ABCC4: variants seen among roughly 807,000 people sequenced by gnomAD.
ABCC4 encodes the protein ATP binding cassette subfamily C member 4 (PEL blood group).
A neutral mutation model predicts 168.5 loss-of-function variants in ABCC4; 102 were observed. The observed-to-expected ratio is 0.61, with a 90% CI of 0.52 to 0.71. The LOEUF (loss-of-function observed/expected upper bound fraction) is 0.71. ABCC4 is among the 30% of genes least tolerant of loss of function. ABCC4 has a pLI of 0.00. For missense variants in ABCC4, 1,402 were observed against 1,605.8 expected (o/e 0.87, Z 2.17); for synonymous variants, 617 against 590.7 (o/e 1.04, Z -0.65).
chr13:95,208,261 G>A lies in ABCC4; in HGVS notation c.786-336C>T, dbSNP rs73544903. Reference sequence around the variant, plus strand: ...GACGATAACACAGTGGTCAGAGAGTGCTAAAATGGGAATGAAGTGCTGGGG... The same window carrying A: ...GACGATAACACAGTGGTCAGAGAGTACTAAAATGGGAATGAAGTGCTGGGG... On this transcript the variant is annotated intron_variant, in intron 6 of 30. Transcript: ENST00000645237. 9.9e-3 allele frequency among the ~76,000 whole-genome samples: 1,500 copies of A among 150,942 alleles called. 24 individuals are homozygous for A. Among genetic ancestry groups the A allele is most frequent in the African/African-American group, 0.035 (1,442 of 41,118 alleles).
chr13:95,105,689 G>A (rs1729775), intron 20 of ABCC4, among the ~76,000 whole-genome samples: 64,904 of 151,836 alleles, frequency 0.43, 14,670 homozygotes, highest in Middle Eastern at 0.61. Context: ...TAGTGGCCTC[G>A]GCACTGCTGG....
At chr13:95,026,790 G>A (rs1489012939) in intron 30 of ABCC4, among the ~76,000 whole-genome samples, 1 of 152,024 alleles carries the variant, frequency 6.6e-6, no homozygotes, top group Non-Finnish European at 1.5e-5. Flanking sequence ...AAGGGAGGCT[G>A]AGAAGGGAGC....
chr13:95,215,701 C>A (rs1566536284), intron 4 of ABCC4, among the ~76,000 whole-genome samples: 1 of 152,134 alleles, frequency 6.6e-6, no homozygotes, highest in Non-Finnish European at 1.5e-5. Flanking sequence ...TCTCTAACAA[C>A]TCAAAATATC....
chr13:95,207,916 A>G lies in ABCC4; in HGVS notation c.795T>C (p.Thr265=). 1 of 1,613,820 alleles carries G rather than the reference A, an allele frequency of 6.2e-7. No homozygotes were observed. Among genetic ancestry groups the G allele is most frequent in the Non-Finnish European group, 8.5e-7 (1 of 1,179,964 alleles). ...TGATCCTGGCATCCGTGAAAGTTGC[A>G]GTTTTACTCCTAAGGGGAACCAGAC... ...GKLFSSLRSK[T]ATFTDARIRT... is the part of the protein sequence containing the mutation. The change falls in exon 7 of 31, where the codon ACT becomes ACC. Residue 265 remains threonine (T), a synonymous_variant. Coordinates refer to ENST00000645237, the MANE Select transcript of ABCC4 (RefSeq NM_005845.5).
At chr13:95,166,464 T>C (rs1271408242) in intron 14 of ABCC4, 97 bp from the exon 15 acceptor site, 1 of 1,053,364 alleles carries the variant, frequency 9.5e-7, no homozygotes, top group African/African-American at 1.6e-5. Flanking sequence ...GATCTTAAGT[T>C]ATGATTATAC....
chr13:95,255,616 CCT>C (rs1356379495), intron 1 of ABCC4, among the ~76,000 whole-genome samples: 1 of 152,136 alleles, frequency 6.6e-6, no homozygotes, highest in African/African-American at 2.4e-5. Flanking sequence ...TGTTATTTTT[CCT>C]CTAACGTTCC....
chr13:95,197,007 A>C (rs1296378844), intron 8 of ABCC4, among the ~76,000 whole-genome samples: 1 of 152,112 alleles, frequency 6.6e-6, no homozygotes, highest in Admixed American at 6.5e-5. Context: ...CCTGAGTATT[A>C]ATCCCACCCT....
intron 11 of ABCC4, among the ~76,000 whole-genome samples, chr13:95,179,080 C>T (rs1348019758): frequency 1.3e-5 from 2 of 152,184 alleles, no homozygotes; most frequent in Non-Finnish European, 2.9e-5. Flanking sequence ...ACCGGCTATC[C>T]TGACTTGCGG....
chr13:95,123,841 G>C (rs1474095198), intron 19 of ABCC4, among the ~76,000 whole-genome samples: 1 of 152,238 alleles, frequency 6.6e-6, no homozygotes, highest in Non-Finnish European at 1.5e-5. Context: ...GGCATCACCA[G>C]CTGGTGCGGG....
intron 1 of ABCC4, among the ~76,000 whole-genome samples, chr13:95,258,569 A>T (rs532055124): frequency 4.0e-5 from 6 of 151,724 alleles, no homozygotes; most frequent in African/African-American, 1.5e-4. Flanking sequence ...AAATGCACTT[A>T]ATTACTTTGT....
chr13:95,126,847 AATAT>A (rs973412926), intron 19 of ABCC4, among the ~76,000 whole-genome samples: 2 of 145,546 alleles, frequency 1.4e-5, no homozygotes, highest in African/African-American at 5.1e-5. Flanking sequence ...AAGTACACCA[AATAT>A]ATATATTTAT....
At chr13:95,284,117 G>A (rs185729691) in intron 1 of ABCC4, among the ~76,000 whole-genome samples, 1 of 152,356 alleles carries the variant, frequency 6.6e-6, no homozygotes, top group African/African-American at 2.4e-5. Context: ...GCTGAGGCAG[G>A]AGAATTACTT....
intron 1 of ABCC4, among the ~76,000 whole-genome samples, chr13:95,283,286 C>T (rs1260104712): frequency 6.6e-6 from 1 of 150,418 alleles, no homozygotes; most frequent in Non-Finnish European, 1.5e-5. Flanking sequence ...GCATCAGAAT[C>T]ACTTGGAGGA....
chr13:95,037,266 C>A (rs2032165042), intron 29 of ABCC4, among the ~76,000 whole-genome samples: 2 of 152,070 alleles, frequency 1.3e-5, no homozygotes, highest in Non-Finnish European at 1.5e-5. Context: ...CACCCCATAA[C>A]TAAAATATCA....
chr13:95,203,600 C>A (rs1357564518), intron 8 of ABCC4, among the ~76,000 whole-genome samples: 1 of 152,012 alleles, frequency 6.6e-6, no homozygotes, highest in Admixed American at 6.6e-5. Context: ...TCAAGTGATC[C>A]GCTCACCTCG....
At position 95,188,477 on chromosome 13, in the gene ABCC4, C is replaced by A; in HGVS notation, c.1329G>T (p.Val443=). 1 of 1,614,168 alleles carries A rather than the reference C, an allele frequency of 6.2e-7. No individual in the cohort carries two copies. The highest frequency in any genetic ancestry group is 1.1e-5 in the South Asian group (1 of 91,082). ...CCTTCCCTGCTCCCACGGGGCCGAC[C>A]ACAGCTAACAATTCGCCAGGTCTGA... ...FTVRPGELLA[V]VGPVGAGKSS... Residue 443 remains valine, a synonymous_variant, in exon 10 of 31, where the codon GTG becomes GTT. Coordinates refer to ENST00000645237, the MANE Select transcript of ABCC4 (RefSeq NM_005845.5).
chr13:95,231,826 C>T (rs907823268), intron 4 of ABCC4, among the ~76,000 whole-genome samples: 1 of 152,128 alleles, frequency 6.6e-6, no homozygotes, highest in Non-Finnish European at 1.5e-5. Flanking sequence ...TCAGATTTCC[C>T]AAAGGCTATT....
chr13:95,178,557 G>A (rs2037786771), intron 11 of ABCC4, among the ~76,000 whole-genome samples: 2 of 152,376 alleles, frequency 1.3e-5, no homozygotes, highest in South Asian at 4.1e-4. Flanking sequence ...GGTCTGAGCA[G>A]AGACCTGTCA....
intron 27 of ABCC4, among the ~76,000 whole-genome samples, chr13:95,047,097 C>T (rs2032610175): frequency 6.6e-6 from 1 of 152,144 alleles, no homozygotes; most frequent in Non-Finnish European, 1.5e-5. Context: ...TAGCAAAATA[C>T]CGTATTAACA....
Sources: gnomAD v4.1 joint callset for allele counts (sites outside exome capture counted in the v4.1 genomes callset) on GRCh38, gnomAD v4.1.1 for gene constraint, MANE v1.5 for transcripts, NCBI Gene and HGNC (gene_info 2026-07-23, HGNC 2026-07-21) for gene names.